Variants in PALLD observed in about 807,000 individuals in gnomAD.
PALLD encodes the protein palladin, cytoskeletal associated protein, also known as palladin.
PALLD carries 61 observed loss-of-function variants against 123.5 expected under a neutral mutation model. The observed-to-expected ratio is 0.49, with a 90% CI of 0.40 to 0.61. The LOEUF (loss-of-function observed/expected upper bound fraction) is 0.61. PALLD is among the 20% of genes least tolerant of loss of function. The pLI is 0.00. For synonymous variants in PALLD, 465 were observed against 496.4 expected (o/e 0.94, Z 0.84); for missense variants, 1,273 against 1,377.0 (o/e 0.92, Z 1.20).
intron 2 of PALLD, among the ~76,000 whole-genome samples, chr4:168,658,055 C>G (rs1451221796): frequency 1.3e-5 from 2 of 152,264 alleles, no homozygotes; most frequent in East Asian, 3.9e-4. Context: ...TGTCCTTCAT[C>G]TTTTTGGTGC....
At chr4:168,823,040 TA>T (rs935305029) in intron 10 of PALLD, among the ~76,000 whole-genome samples, 1 of 151,878 alleles carries the variant, frequency 6.6e-6, no homozygotes. Flanking sequence ...GTTTCTCCAT[TA>T]AAAAAAATAG....
chr4:168,914,614 T>G, intron 16 of PALLD, among the ~76,000 whole-genome samples: 1 of 152,174 alleles, frequency 6.6e-6, no homozygotes, highest in East Asian at 1.9e-4. Flanking sequence ...TAGGCAGAGA[T>G]AGAGAAAGGA....
At chr4:168,707,784 A>C (rs548230965) in intron 8 of PALLD, among the ~76,000 whole-genome samples, 1 of 152,334 alleles carries the variant, frequency 6.6e-6, no homozygotes, top group East Asian at 1.9e-4. Context: ...GCTACCCCCA[A>C]AATTTGTGAA....
chr4:168,554,092 C>T (rs1340426966), intron 2 of PALLD, among the ~76,000 whole-genome samples: 1 of 152,176 alleles, frequency 6.6e-6, no homozygotes, highest in Non-Finnish European at 1.5e-5. Flanking sequence ...TCACTAAGCC[C>T]TGGTTCAATG....
At chr4:168,614,871 T>C (rs1774072590) in intron 2 of PALLD, among the ~76,000 whole-genome samples, 1 of 152,290 alleles carries the variant, frequency 6.6e-6, no homozygotes, top group African/African-American at 2.4e-5. Context: ...AACATTTCAG[T>C]AAGTTATTTG....
At position 168,756,743 on chromosome 4, in the gene PALLD, G is replaced by A. The variant is rs570004671; in HGVS notation, c.1964+44820G>A. Among the ~76,000 whole-genome samples the A allele has an allele frequency of 2.5e-4, 38 of 152,304 alleles. 3 individuals carry two copies. Among genetic ancestry groups the A allele is most frequent in the South Asian group, 4.1e-4 (2 of 4,820 alleles). On this transcript the variant is annotated intron_variant, in intron 10 of 21. Transcript: ENST00000505667. ...TATGGGAATGTCAAGTAGGCAGCTC[G>A]AAATACAAATCGCAAAGATGTTGGA... is the stretch of plus-strand genomic sequence containing the variant.
chr4:168,812,867 A>G (rs1016349535), intron 10 of PALLD, among the ~76,000 whole-genome samples: 3 of 152,196 alleles, frequency 2.0e-5, no homozygotes, highest in Non-Finnish European at 2.9e-5. Flanking sequence ...TTTCCCCATC[A>G]AAACCTGGAG....
At chr4:168,742,756 A>G (rs1310923687) in intron 10 of PALLD, among the ~76,000 whole-genome samples, 1 of 152,178 alleles carries the variant, frequency 6.6e-6, no homozygotes, top group South Asian at 2.1e-4. Flanking sequence ...AATCATATTC[A>G]CTATGTTAAC....
intron 2 of PALLD, among the ~76,000 whole-genome samples, chr4:168,519,858 T>C (rs751449875): frequency 5.9e-5 from 9 of 152,168 alleles, no homozygotes; most frequent in Non-Finnish European, 1.3e-4. Flanking sequence ...CCTAATTTTA[T>C]AGTTGCCTAT....
chr4:168,781,716 C>A (rs1735951920), intron 10 of PALLD, among the ~76,000 whole-genome samples: 1 of 151,858 alleles, frequency 6.6e-6, no homozygotes, highest in South Asian at 2.1e-4. Flanking sequence ...AGGTAGGATA[C>A]CAGGAGAGGA....
At chr4:168,668,109 C>A (rs1413255953) in intron 2 of PALLD, 81 bp from the exon 3 acceptor site, 10 of 1,083,396 alleles carry the variant, frequency 9.2e-6, no homozygotes, top group South Asian at 3.8e-5. Context: ...TAGCAACCAG[C>A]CTTCACTTCT....
intron 2 of PALLD, among the ~76,000 whole-genome samples, chr4:168,638,988 C>T (rs1441632461): frequency 1.3e-5 from 2 of 152,176 alleles, no homozygotes; most frequent in Non-Finnish European, 2.9e-5. Flanking sequence ...CCTACATTCT[C>T]TTCCCCACCT....
At chr4:168,518,751 C>T (rs11132283) in intron 2 of PALLD, among the ~76,000 whole-genome samples, 128,260 of 152,008 alleles carry the variant, frequency 0.84, 54,450 homozygotes, top group African/African-American at 0.93. Context: ...TGATACACTG[C>T]ACATTTTATC....
At chr4:168,925,718 AAGAATTTATTTC>A (rs1228690676) in intron 21 of PALLD, among the ~76,000 whole-genome samples, 1 of 152,238 alleles carries the variant, frequency 6.6e-6, no homozygotes. Flanking sequence ...GAATTTATTT[AAGAATTTATTTC>A]AGATTTTGCC....
At position 168,878,164 on chromosome 4, in the gene PALLD, G is replaced by A. The variant is rs777359545; in HGVS notation, c.1965-12758G>A. 7.8e-6 allele frequency: 4 copies of A among 513,386 alleles called. No individual in the cohort carries two copies. The highest frequency in any genetic ancestry group is 5.3e-5 in the South Asian group (2 of 37,822). 31.8% of individuals were successfully genotyped at this position (513,386 alleles called of 1,614,324 possible). ...CCTCCTCGCCGTCGCCCCCGCCCCC[G>A]CCACCCCCGGTCTTCAGCCCCACGG... is the stretch of plus-strand genomic sequence containing the variant. On this transcript the variant is annotated intron_variant, in intron 10 of 21. Coordinates refer to ENST00000505667, the MANE Select transcript of PALLD (RefSeq NM_001166108.2).
At chr4:168,707,572 G>T (rs570433286) in intron 8 of PALLD, among the ~76,000 whole-genome samples, 3 of 152,286 alleles carry the variant, frequency 2.0e-5, no homozygotes, top group Admixed American at 2.0e-4. Context: ...CAAGGATTTG[G>T]CTCAGAATTG....
chr4:168,873,300 G>A (rs1751322347), intron 10 of PALLD, among the ~76,000 whole-genome samples: 1 of 152,136 alleles, frequency 6.6e-6, no homozygotes, highest in Non-Finnish European at 1.5e-5. Context: ...CAGGACCAGA[G>A]GAGCTTATGG....
chr4:168,790,128 C>T (rs1737297208), intron 10 of PALLD, among the ~76,000 whole-genome samples: 1 of 151,196 alleles, frequency 6.6e-6, no homozygotes, highest in Admixed American at 6.6e-5. Context: ...CCAAATCCTA[C>T]TTCTGCTCTA....
At chr4:168,837,458 T>C (rs907176029) in intron 10 of PALLD, among the ~76,000 whole-genome samples, 1 of 152,260 alleles carries the variant, frequency 6.6e-6, no homozygotes, top group Non-Finnish European at 1.5e-5. Context: ...TTCATGCCAG[T>C]CTACTGAATG....
Sources: allele counts gnomAD v4.1 joint callset (sites outside exome capture counted in the v4.1 genomes callset), GRCh38; gene constraint gnomAD v4.1.1; transcripts MANE v1.5; gene names NCBI Gene and HGNC (gene_info 2026-07-23, HGNC 2026-07-21).